Variants in SHISA9 observed in about 807,000 individuals in gnomAD.
SHISA9 encodes the protein shisa family member 9.
Under a neutral mutation model 38.0 loss-of-function variants are expected in SHISA9, and 13 were observed. The ratio of observed to expected loss-of-function variants is 0.34; its 90% confidence interval spans 0.22 to 0.54. The LOEUF (loss-of-function observed/expected upper bound fraction) is 0.54. Among genes scored for constraint, SHISA9 ranks in the 20% least tolerant of loss-of-function variants. SHISA9 has a pLI of 0.91. For missense variants in SHISA9, 538 were observed against 575.8 expected, an observed-to-expected ratio of 0.93 and a Z score of 0.67; for synonymous variants, 275 against 242.0, an observed-to-expected ratio of 1.14 and a Z score of -1.27.
chr16:13,305,767 T>C, the SHISA9 span, among the ~76,000 whole-genome samples: 1 of 152,076 alleles, frequency 6.6e-6, no homozygotes, highest in Non-Finnish European at 1.5e-5. Flanking sequence ...CCACAGAAAA[T>C]GGGAGACAAT....
intron 2 of SHISA9, among the ~76,000 whole-genome samples, chr16:13,139,446 TCCTCTC>T (rs2050380470): frequency 3.7e-5 from 4 of 107,262 alleles, no homozygotes; most frequent in South Asian, 6.3e-4. Flanking sequence ...CTCTTCCTCT[TCCTCTC>T]CCTCTTTCTC....
intron 1 of SHISA9, chr16:12,909,535 T>C (rs1443518017): frequency 1.0e-6 from 1 of 985,312 alleles, no homozygotes; most frequent in East Asian, 1.1e-4. Context: ...AGAAAAGAGA[T>C]GCACCATTTT....
rs529022569 is a variant in SHISA9, at chr16:13,112,653, A to G, written c.692-90741A>G. ...TTTTTTTTTTAACAAAACAAATTAA[A>G]GACCAGTCAAGGGGTTCTTCTGGTT... On this transcript the variant is annotated intron_variant, in intron 2 of 4. Coordinates refer to ENST00000558583, the MANE Select transcript of SHISA9 (RefSeq NM_001145204.3). Among the ~76,000 whole-genome samples the G allele has an allele frequency of 1.8e-4, 28 of 152,200 alleles. No homozygotes were observed. The South Asian group carries it at 2.3e-3, about 12-fold the overall frequency.
chr16:13,456,469 G>C, the SHISA9 span, among the ~76,000 whole-genome samples: 74 of 152,296 alleles, frequency 4.9e-4, no homozygotes, highest in African/African-American at 1.6e-3. Context: ...GTTCACTGGG[G>C]CAATTCTGGG....
At position 13,097,267 on chromosome 16, in the gene SHISA9, C is replaced by G. The variant is rs151277893; in HGVS notation, c.692-106127C>G. On this transcript the variant is annotated intron_variant, in intron 2 of 4. Transcript: ENST00000558583. ...GGGAAGGGAATTTCCCAAAGCCACA[C>G]AGGGAGTTGATGTTAGATCTGGCCT... 8.2e-4 allele frequency among the ~76,000 whole-genome samples: 125 copies of G among 152,184 alleles called. 5 individuals carry two copies. In the East Asian group the frequency reaches 0.021, roughly 25 times the overall value.
chr16:13,315,063 T>C, the SHISA9 span, among the ~76,000 whole-genome samples: 1 of 138,396 alleles, frequency 7.2e-6, no homozygotes, highest in Non-Finnish European at 1.6e-5. Context: ...AAATGATCTG[T>C]GTGTGCACCC....
intron 2 of SHISA9, among the ~76,000 whole-genome samples, chr16:13,119,036 T>G (rs1003042715): frequency 2.6e-5 from 4 of 152,086 alleles, no homozygotes; most frequent in Non-Finnish European, 5.9e-5. Context: ...CTGGCCATGT[T>G]TTTGTATTTT....
intron 2 of SHISA9, among the ~76,000 whole-genome samples, chr16:13,045,881 A>G (rs1412989035): frequency 3.9e-5 from 6 of 152,066 alleles, no homozygotes; most frequent in Non-Finnish European, 1.5e-5. Context: ...TTCAATCCAA[A>G]TTTCAAGACG....
chr16:13,150,030 TA>T (rs35012437), intron 2 of SHISA9, among the ~76,000 whole-genome samples: 2,640 of 67,678 alleles, frequency 0.039, 98 homozygotes, highest in African/African-American at 0.11. Context: ...TCCTCATCAT[TA>T]AAAAAAAAAA....
At chr16:12,968,953 G>A (rs1015224166) in intron 2 of SHISA9, among the ~76,000 whole-genome samples, 1 of 151,968 alleles carries the variant, frequency 6.6e-6, no homozygotes, top group East Asian at 1.9e-4. Flanking sequence ...TCAGGAGTTC[G>A]AGACCAGCCT....
At chr16:13,322,870 T>C in the SHISA9 span, among the ~76,000 whole-genome samples, 3 of 152,190 alleles carry the variant, frequency 2.0e-5, no homozygotes, top group Admixed American at 1.3e-4. Context: ...ATTATGGTTG[T>C]GGGAGATACT....
At chr16:13,084,656 G>T (rs1036873590) in intron 2 of SHISA9, among the ~76,000 whole-genome samples, 1 of 152,190 alleles carries the variant, frequency 6.6e-6, no homozygotes, top group African/African-American at 2.4e-5. Context: ...ATGATGGTAC[G>T]TGCTATGAAG....
chr16:13,023,454 A>G (rs372477453), intron 2 of SHISA9, among the ~76,000 whole-genome samples: 1 of 152,142 alleles, frequency 6.6e-6, no homozygotes, highest in Admixed American at 6.5e-5. Flanking sequence ...AGTCTTTGCT[A>G]TTGTGAATAG....
At chr16:13,272,499 A>G in the SHISA9 span, among the ~76,000 whole-genome samples, 4 of 152,126 alleles carry the variant, frequency 2.6e-5, no homozygotes, top group Admixed American at 1.3e-4. Flanking sequence ...AAGTGTTGGT[A>G]TTACAAGCGT....
At chr16:13,422,183 C>G in the SHISA9 span, among the ~76,000 whole-genome samples, 1 of 152,186 alleles carries the variant, frequency 6.6e-6, no homozygotes, top group Non-Finnish European at 1.5e-5. Context: ...CAAATGCTCC[C>G]CATGGAGCCA....
the SHISA9 span, among the ~76,000 whole-genome samples, chr16:13,376,168 G>C: frequency 1.3e-5 from 2 of 152,148 alleles, no homozygotes; most frequent in Non-Finnish European, 2.9e-5. Context: ...ACATCATTTT[G>C]GTTCACATTC....
chr16:13,157,660 C>A (rs2050559018), intron 2 of SHISA9, among the ~76,000 whole-genome samples: 1 of 152,002 alleles, frequency 6.6e-6, no homozygotes, highest in Admixed American at 6.6e-5. Context: ...GGTGTTATCT[C>A]CATTTTGCAC....
rs2051417010 is a variant in SHISA9 at position 13,239,462 on chromosome 16, A to C, written c.*4053A>C. 1 of 151,406 alleles carries C rather than the reference A, an allele frequency of 6.6e-6. No individual in the cohort carries two copies. The highest frequency in any genetic ancestry group is 1.5e-5 in the Non-Finnish European group (1 of 67,692). The allele number at this position is 151,406 out of a possible 1,614,324, so 9.4% of individuals were successfully genotyped here. ...GTTTACAGTCCCACCAGCAGTGTAAAAGTGTTCCTATTTCTCCACATCCTC... is the reference window on the plus strand; with the variant it reads ...GTTTACAGTCCCACCAGCAGTGTAACAGTGTTCCTATTTCTCCACATCCTC... On this transcript the variant is annotated 3_prime_UTR_variant, in exon 5 of 5. Transcript: ENST00000558583.
At chr16:13,410,036 T>G in the SHISA9 span, among the ~76,000 whole-genome samples, 5 of 152,232 alleles carry the variant, frequency 3.3e-5, no homozygotes, top group Non-Finnish European at 7.3e-5. Context: ...ATTATATTTT[T>G]AGTAGTATTA....
Sources: gnomAD v4.1 joint callset for allele counts (sites outside exome capture counted in the v4.1 genomes callset) on GRCh38, gnomAD v4.1.1 for gene constraint, MANE v1.5 for transcripts, NCBI Gene and HGNC (gene_info 2026-07-23, HGNC 2026-07-21) for gene names.